Variants in SHTN1 observed in about 807,000 individuals in gnomAD.
SHTN1 encodes the protein shootin 1.
In SHTN1, 42 loss-of-function variants were observed where a neutral mutation model predicts 83.1. The ratio of observed to expected loss-of-function variants is 0.51; its 90% CI spans 0.39 to 0.65. The LOEUF is 0.65. Among genes scored for constraint, SHTN1 ranks in the 30% least tolerant of loss-of-function variants. SHTN1 has a pLI of 0.00. For missense variants in SHTN1, 622 were observed against 737.8 expected, an observed-to-expected ratio of 0.84 and a Z score of 1.82; for synonymous variants, 224 against 247.7, an observed-to-expected ratio of 0.90 and a Z score of 0.90.
At chr10:117,085,478 TAATTCTGTTG>T (rs1322281626) in intron 1 of SHTN1, among the ~76,000 whole-genome samples, 1 of 152,242 alleles carries the variant, frequency 6.6e-6, no homozygotes, top group Non-Finnish European at 1.5e-5. Flanking sequence ...ATTTCTAGTT[TAATTCTGTTG>T]TGGTCTGAGA....
At chr10:116,906,424 A>T (rs539439125) in intron 15 of SHTN1, among the ~76,000 whole-genome samples, 2 of 152,380 alleles carry the variant, frequency 1.3e-5, no homozygotes, top group African/African-American at 4.8e-5. Flanking sequence ...CCTACAAATA[A>T]GTAAACACAC....
chr10:116,972,797 C>T (rs1022773401), intron 2 of SHTN1, among the ~76,000 whole-genome samples: 2 of 152,332 alleles, frequency 1.3e-5, no homozygotes, highest in African/African-American at 4.8e-5. Context: ...GGCACAACTG[C>T]TGGCTCATGT....
chr10:116,997,399 T>C (rs1851663312), intron 1 of SHTN1, among the ~76,000 whole-genome samples: 1 of 152,230 alleles, frequency 6.6e-6, no homozygotes, highest in South Asian at 2.1e-4. Flanking sequence ...TCTGTCCCAA[T>C]TATGAACTTA....
chr10:117,044,733 T>A (rs1852636103), intron 2 of SHTN1, among the ~76,000 whole-genome samples: 1 of 152,148 alleles, frequency 6.6e-6, no homozygotes, highest in Non-Finnish European at 1.5e-5. Flanking sequence ...TGAGAATAGA[T>A]GTTAAACACC....
At chr10:116,950,266 G>A (rs898102609) in intron 6 of SHTN1, among the ~76,000 whole-genome samples, 2 of 152,148 alleles carry the variant, frequency 1.3e-5, no homozygotes, top group Non-Finnish European at 2.9e-5. Context: ...CTGGGTTCAA[G>A]CAATCCTCCC....
At chr10:116,997,126 C>A (rs1312224160) in intron 1 of SHTN1, among the ~76,000 whole-genome samples, 2 of 152,226 alleles carry the variant, frequency 1.3e-5, no homozygotes, top group Non-Finnish European at 2.9e-5. Flanking sequence ...GATACCCATT[C>A]TCCTTTACAA....
intron 1 of SHTN1, among the ~76,000 whole-genome samples, chr10:116,994,603 T>C (rs890591112): frequency 6.6e-6 from 1 of 152,134 alleles, no homozygotes; most frequent in Non-Finnish European, 1.5e-5. Context: ...GGGTCTTTGA[T>C]TACTTTAGAA....
chr10:116,972,514 A>G (rs959903316), intron 2 of SHTN1, among the ~76,000 whole-genome samples: 3 of 152,172 alleles, frequency 2.0e-5, no homozygotes, highest in Non-Finnish European at 2.9e-5. Flanking sequence ...AATCTTGCAA[A>G]CTTTCTCTCA....
intron 2 of SHTN1, among the ~76,000 whole-genome samples, chr10:117,026,622 A>T (rs994885937): frequency 2.0e-5 from 3 of 152,152 alleles, no homozygotes; most frequent in African/African-American, 7.2e-5. Context: ...GGGTTTCACC[A>T]TGTTGGTCAG....
chr10:116,972,609 C>T (rs1850656815), intron 2 of SHTN1, among the ~76,000 whole-genome samples: 1 of 152,164 alleles, frequency 6.6e-6, no homozygotes, highest in Non-Finnish European at 1.5e-5. Context: ...AGCCCCTCAC[C>T]CATCCCACCC....
chr10:117,117,045 A>G (rs534394714), intron 1 of SHTN1, among the ~76,000 whole-genome samples: 15 of 152,256 alleles, frequency 9.9e-5, no homozygotes, highest in African/African-American at 3.4e-4. Context: ...TAACACTAGA[A>G]GTCCTGGCTA....
chr10:116,993,216 C>T (rs978699574), intron 1 of SHTN1, among the ~76,000 whole-genome samples: 39 of 151,892 alleles, frequency 2.6e-4, no homozygotes, highest in Admixed American at 9.2e-4. Flanking sequence ...AAGGTTTCAC[C>T]GTGTTAGCCA....
At chr10:117,086,694 G>A (rs968860556) in intron 1 of SHTN1, among the ~76,000 whole-genome samples, 5 of 152,098 alleles carry the variant, frequency 3.3e-5, no homozygotes, top group East Asian at 3.9e-4. Flanking sequence ...AAAGGTCAGC[G>A]AGTCCTCAAA....
At chr10:117,007,911 G>A (rs564922874), upstream of SHTN1, among the ~76,000 whole-genome samples, 47 of 151,414 alleles carry the variant, frequency 3.1e-4, no homozygotes, top group African/African-American at 1.0e-3. Flanking sequence ...GGGAGGCTGA[G>A]GCAGGAGAAT....
intron 2 of SHTN1, among the ~76,000 whole-genome samples, chr10:116,973,281 T>A (rs914679674): frequency 6.6e-6 from 1 of 152,168 alleles, no homozygotes; most frequent in African/African-American, 2.4e-5. Context: ...ATATAAATAT[T>A]CATGCTTGTC....
At chr10:116,962,815 C>A (rs140555430) in intron 3 of SHTN1, among the ~76,000 whole-genome samples, 1 of 151,736 alleles carries the variant, frequency 6.6e-6, no homozygotes, top group African/African-American at 2.4e-5. Flanking sequence ...TTTTAAATTG[C>A]GCATTAATTT....
chr10:117,081,190 T>C (rs1258061167), intron 1 of SHTN1, among the ~76,000 whole-genome samples: 1 of 150,926 alleles, frequency 6.6e-6, no homozygotes, highest in African/African-American at 2.4e-5. Context: ...ATAGCTCTTA[T>C]TATTTTGAAA....
chr10:116,911,932 C>T (rs1589800136), intron 13 of SHTN1, 89 bp from the exon 14 acceptor site: 1 of 930,736 alleles, frequency 1.1e-6, no homozygotes, highest in South Asian at 1.3e-5. Flanking sequence ...TATTAGTAGC[C>T]TTATATTGGT....
chr10:117,116,749 G>A (rs539530855), intron 1 of SHTN1, among the ~76,000 whole-genome samples: 8 of 152,236 alleles, frequency 5.3e-5, no homozygotes, highest in African/African-American at 1.9e-4. Context: ...TGCAAGGATG[G>A]TTCAACATAC....
Sources: gnomAD v4.1 joint callset for allele counts (sites outside exome capture counted in the v4.1 genomes callset) on GRCh38, gnomAD v4.1.1 for gene constraint, MANE v1.5 for transcripts, NCBI Gene and HGNC (gene_info 2026-07-23, HGNC 2026-07-21) for gene names.